NRXN1: variants seen among roughly 807,000 people sequenced by gnomAD.
NRXN1 encodes neurexin-1.
In NRXN1, 39 loss-of-function variants were observed where a neutral mutation model predicts 150.9. The observed-to-expected ratio is 0.26, with a 90% CI of 0.20 to 0.34. The LOEUF (loss-of-function observed/expected upper bound fraction) is 0.34, where lower values mean the gene tolerates loss of function less well. Among genes scored for constraint, NRXN1 ranks in the 10% least tolerant of loss-of-function variants. NRXN1 has a pLI of 1.00. For synonymous variants in NRXN1, 924 were observed against 757.0 expected (o/e 1.22, Z -3.62); for missense variants, 1,815 against 1,949.9 (o/e 0.93, Z 1.30).
At position 51,005,210 on chromosome 2, in the gene NRXN1, G is replaced by A. The variant is rs867262757; in HGVS notation, c.772+22292C>T. Among the ~76,000 whole-genome samples the A allele has an allele frequency of 1.3e-4, 19 of 151,702 alleles. No homozygotes were observed. The South Asian group carries it at 1.9e-3, about 15-fold the overall frequency. On this transcript the variant is annotated intron_variant, in intron 2 of 22. Transcript: ENST00000401669. ...CTTCTTTATTCCAAGTTGACAATTA[G>A]TTTACCTTTACCCTGATTACTCAGT...
At chr2:50,374,434 A>C (rs997634850) in intron 17 of NRXN1, among the ~76,000 whole-genome samples, 3 of 152,096 alleles carry the variant, frequency 2.0e-5, no homozygotes, top group Non-Finnish European at 4.4e-5. Context: ...TAAATAATAA[A>C]GCACCAAAAT....
At chr2:50,142,720 T>C (rs745805428) in intron 18 of NRXN1, among the ~76,000 whole-genome samples, 10 of 152,064 alleles carry the variant, frequency 6.6e-5, no homozygotes, top group South Asian at 4.1e-4. Context: ...AGTTAATATA[T>C]AAATTTTAGT....
intron 19 of NRXN1, among the ~76,000 whole-genome samples, chr2:50,090,758 T>C (rs534602119): frequency 3.3e-5 from 5 of 152,298 alleles, no homozygotes; most frequent in African/African-American, 1.2e-4. Flanking sequence ...CATGAAACTC[T>C]ATGGTTATAT....
At chr2:50,532,908 C>T (rs1369633293) in intron 10 of NRXN1, among the ~76,000 whole-genome samples, 1 of 152,072 alleles carries the variant, frequency 6.6e-6, no homozygotes, top group Non-Finnish European at 1.5e-5. Context: ...CAGGATGCTA[C>T]TTAATAAAGA....
At chr2:50,203,777 C>A (rs1315366153) in intron 18 of NRXN1, among the ~76,000 whole-genome samples, 1 of 152,044 alleles carries the variant, frequency 6.6e-6, no homozygotes, top group Admixed American at 6.6e-5. Flanking sequence ...AAAGAAATAG[C>A]TACAAAATCA....
intron 21 of NRXN1, among the ~76,000 whole-genome samples, chr2:50,009,566 G>C (rs548909339): frequency 6.6e-6 from 1 of 152,142 alleles, no homozygotes; most frequent in Non-Finnish European, 1.5e-5. Flanking sequence ...ACTATTTCAA[G>C]ATTTTTATGC....
chr2:50,222,947 A>T lies in NRXN1; in HGVS notation c.3546+13842T>A, dbSNP rs144167158. Reference sequence around the variant, plus strand: ...TATGCTGTTTTTACTTTTTACTCCCATCATTGTTGTATTATTTAAATTTTT... The same window carrying T: ...TATGCTGTTTTTACTTTTTACTCCCTTCATTGTTGTATTATTTAAATTTTT... On this transcript the variant is annotated intron_variant, in intron 18 of 22. Transcript: ENST00000401669. 7.5e-3 allele frequency among the ~76,000 whole-genome samples: 1,141 copies of T among 152,082 alleles called. 9 individuals are homozygous for T. The highest frequency in any genetic ancestry group is 0.013 in the Non-Finnish European group (917 of 67,946).
intron 18 of NRXN1, among the ~76,000 whole-genome samples, chr2:50,111,072 A>C (rs1702312553): frequency 6.6e-6 from 1 of 152,186 alleles, no homozygotes; most frequent in South Asian, 2.1e-4. Context: ...GGAAATTTTA[A>C]GATTTCTCTT....
intron 21 of NRXN1, among the ~76,000 whole-genome samples, chr2:49,983,564 A>G (rs12478797): frequency 0.81 from 123,617 of 152,032 alleles, 50,521 homozygotes; most frequent in Middle Eastern, 0.87. Context: ...GCACAATTCT[A>G]TGATATGCTG....
intron 17 of NRXN1, among the ~76,000 whole-genome samples, chr2:50,327,669 T>G (rs2076476695): frequency 6.6e-6 from 1 of 151,830 alleles, no homozygotes; most frequent in African/African-American, 2.4e-5. Context: ...TTTTTTGTTT[T>G]GACAGAGTCT....
intron 13 of NRXN1, among the ~76,000 whole-genome samples, chr2:50,499,412 T>A (rs1189853085): frequency 6.6e-6 from 1 of 152,130 alleles, no homozygotes; most frequent in Non-Finnish European, 1.5e-5. Context: ...CTCACTACCA[T>A]GCCTCCTGAT....
At chr2:50,594,779 T>C (rs752968447) in intron 8 of NRXN1, among the ~76,000 whole-genome samples, 10 of 152,280 alleles carry the variant, frequency 6.6e-5, no homozygotes, top group Non-Finnish European at 1.2e-4. Context: ...ACTTCCTTGT[T>C]TTCCCTTTTT....
Position 50,538,610 on chromosome 2 carries a change from T to A in NRXN1, c.1786A>T (p.Thr596Ser), listed in dbSNP as rs1060503176. The part of the protein sequence containing the change: ...SGTISVNTLR[T>S]PYTAPGESEI... ...CTCTCACCAGGAGCAGTGTAGGGAG[T>A]ACGCAACGTGTTGACAGAAATGGTA... The change falls in exon 10 of 23, where the codon ACT (threonine) becomes TCT (serine). Residue 596 changes from threonine to serine, a missense_variant. Around this residue, in one of 6 missense-constraint regions of NRXN1, gnomAD observed 638 missense variants for 652.6 expected, o/e 0.98. Transcript: ENST00000401669. 1 of 1,501,578 alleles carries A rather than the reference T, an allele frequency of 6.7e-7. No individual in the cohort carries two copies. The highest frequency in any genetic ancestry group is 2.3e-5 in the East Asian group (1 of 43,612). The allele number at this position is 1,501,578 out of a possible 1,614,324, so 93.0% of individuals were successfully genotyped here.
chr2:49,937,357 A>G (rs992105617), intron 22 of NRXN1, among the ~76,000 whole-genome samples: 2 of 152,150 alleles, frequency 1.3e-5, no homozygotes, highest in African/African-American at 2.4e-5. Flanking sequence ...CTCCTATTGC[A>G]ATAGCCTTGA....
rs142386558 is a variant in NRXN1, at chr2:50,771,015, C to G, written c.833-147400G>C. Among the ~76,000 whole-genome samples, 130 of 152,202 alleles carry G rather than the reference C, an allele frequency of 8.5e-4. 1 individual carries two copies. In the East Asian group the frequency reaches 0.012, roughly 14 times the overall value. On this transcript the variant is annotated intron_variant, in intron 5 of 22. Coordinates refer to ENST00000401669, the MANE Select transcript of NRXN1 (RefSeq NM_001330078.2). ...CAGTACTTATTTCAGGCCTAGCACA[C>G]AGTGGATACTCCCAAATCTCTGCTG...
chr2:50,482,053 C>A (rs926051461), intron 15 of NRXN1, among the ~76,000 whole-genome samples: 1 of 137,422 alleles, frequency 7.3e-6, no homozygotes, highest in Admixed American at 6.8e-5. Flanking sequence ...CAGGCGTGAG[C>A]CACCGCGCCC....
intron 5 of NRXN1, among the ~76,000 whole-genome samples, chr2:50,683,646 A>AAAAAAAAAAAAAAATATATATATATATAT: frequency 1.1e-3 from 17 of 14,882 alleles, no homozygotes; most frequent in Admixed American, 2.1e-3. Context: ...AAAAAAAAAA[A>AAAAAAAAAAAAAAATATATATATATATAT]ATATATATAT....
intron 5 of NRXN1, among the ~76,000 whole-genome samples, chr2:50,746,721 G>C (rs1700071951): frequency 6.6e-6 from 1 of 152,106 alleles, no homozygotes; most frequent in African/African-American, 2.4e-5. Context: ...GCTGCTGTGA[G>C]TCATCCCCCT....
intron 21 of NRXN1, among the ~76,000 whole-genome samples, chr2:50,017,334 A>T (rs902765686): frequency 6.6e-6 from 1 of 152,210 alleles, no homozygotes; most frequent in African/African-American, 2.4e-5. Flanking sequence ...TATTTTTGAA[A>T]TGAAAAAGCA....
Sources: allele counts gnomAD v4.1 joint callset (sites outside exome capture counted in the v4.1 genomes callset), GRCh38; gene constraint gnomAD v4.1.1; regional missense constraint gnomAD v4.1.1; transcripts MANE v1.5; gene names NCBI Gene and HGNC (gene_info 2026-07-23, HGNC 2026-07-21).